Variants in SIL1 observed in about 807,000 individuals in gnomAD.
The protein encoded by SIL1 is SIL1 nucleotide exchange factor, also known as nucleotide exchange factor SIL1.
In SIL1, 40 loss-of-function variants were observed where a neutral mutation model predicts 49.1. The ratio of observed to expected loss-of-function variants is 0.81; its 90% CI spans 0.63 to 1.06. The LOEUF (loss-of-function observed/expected upper bound fraction) is 1.06. Among genes scored for constraint, SIL1 ranks in the 50% least tolerant of loss-of-function variants. The pLI is 0.00. For synonymous variants in SIL1, 253 were observed against 250.8 expected, an observed-to-expected ratio of 1.01 and a Z score of -0.08; for missense variants, 500 against 572.6, an observed-to-expected ratio of 0.87 and a Z score of 1.29.
At chr5:139,138,227 C>T (rs374413352) in intron 1 of SIL1, among the ~76,000 whole-genome samples, 5 of 152,274 alleles carry the variant, frequency 3.3e-5, no homozygotes, top group South Asian at 2.1e-4. Context: ...CTTGACACCT[C>T]GCCCCTCCAT....
chr5:139,040,443 T>A (rs1275264323), intron 5 of SIL1, among the ~76,000 whole-genome samples: 1 of 151,560 alleles, frequency 6.6e-6, no homozygotes, highest in Non-Finnish European at 1.5e-5. Context: ...ATTTGGGTGC[T>A]GATATTGGGA....
At chr5:139,008,188 G>A (rs1405947773) in intron 7 of SIL1, among the ~76,000 whole-genome samples, 1 of 151,320 alleles carries the variant, frequency 6.6e-6, no homozygotes. Context: ...GTTTAGTCTT[G>A]GGAGAGTGTA....
intron 7 of SIL1, among the ~76,000 whole-genome samples, chr5:138,981,591 T>C (rs1767523412): frequency 6.6e-6 from 1 of 152,066 alleles, no homozygotes; most frequent in Non-Finnish European, 1.5e-5. Context: ...ACCAGGATAT[T>C]CCCCCCTGGG....
chr5:139,105,626 T>C (rs921799539), intron 3 of SIL1, among the ~76,000 whole-genome samples: 2 of 152,184 alleles, frequency 1.3e-5, no homozygotes, highest in African/African-American at 4.8e-5. Context: ...CTGTGCATAA[T>C]GCATGCAGGC....
At chr5:139,055,939 C>G (rs1311259972) in intron 3 of SIL1, among the ~76,000 whole-genome samples, 1 of 152,092 alleles carries the variant, frequency 6.6e-6, no homozygotes, top group East Asian at 1.9e-4. Context: ...TCCCGAAGTG[C>G]CGGGATTGCA....
At chr5:138,998,497 T>C (rs750241252) in intron 7 of SIL1, among the ~76,000 whole-genome samples, 1 of 151,656 alleles carries the variant, frequency 6.6e-6, no homozygotes, top group African/African-American at 2.4e-5. Context: ...AGAAAAGAGG[T>C]TTTATTTTGG....
chr5:139,003,575 G>T (rs1280217630), intron 7 of SIL1, among the ~76,000 whole-genome samples: 1 of 152,212 alleles, frequency 6.6e-6, no homozygotes, highest in Non-Finnish European at 1.5e-5. Context: ...TTTACTAGGA[G>T]TGGGTCAACA....
At chr5:139,096,086 C>T (rs774993401) in intron 3 of SIL1, among the ~76,000 whole-genome samples, 1 of 152,170 alleles carries the variant, frequency 6.6e-6, no homozygotes, top group African/African-American at 2.4e-5. Context: ...CGCCCACCCC[C>T]CCAACAGTGG....
chr5:139,018,561 G>A (rs1768449062), intron 7 of SIL1, among the ~76,000 whole-genome samples: 1 of 132,264 alleles, frequency 7.6e-6, no homozygotes, highest in African/African-American at 3.0e-5. Context: ...CTGTACTCCA[G>A]CCTGAGTGAA....
At chr5:139,045,641 C>G (rs1005247335) in intron 4 of SIL1, among the ~76,000 whole-genome samples, 1 of 152,206 alleles carries the variant, frequency 6.6e-6, no homozygotes, top group South Asian at 2.1e-4. Context: ...ATCTGTATCT[C>G]AAATGTTTAA....
In SIL1 at chr5:139,053,461, G is replaced by A. The variant is rs142483174; in HGVS notation, c.245-2415C>T. 3.9e-4 allele frequency among the ~76,000 whole-genome samples: 59 copies of A among 152,272 alleles called. No homozygotes were observed. In the East Asian group the frequency reaches 4.4e-3, roughly 11 times the overall value. On this transcript the variant is annotated intron_variant, in intron 3 of 9. Coordinates refer to ENST00000394817, the MANE Select transcript of SIL1 (RefSeq NM_022464.5). Reference sequence around the variant, plus strand: ...TCCCAATCAAACTGTTCTTTAAAGCGAATGATTTTTCTTTTCCAAAATACC... The same window carrying A: ...TCCCAATCAAACTGTTCTTTAAAGCAAATGATTTTTCTTTTCCAAAATACC...
intron 3 of SIL1, 53 bp from the exon 4 acceptor site, chr5:139,051,099 G>C: frequency 6.4e-7 from 1 of 1,553,350 alleles, no homozygotes; most frequent in Non-Finnish European, 8.9e-7. Context: ...TTGGAAGGCT[G>C]TCGGGATGGC....
At chr5:139,013,420 C>G (rs1015297199) in intron 7 of SIL1, 1 of 152,140 alleles carries the variant, frequency 6.6e-6, no homozygotes, top group African/African-American at 2.4e-5. Context: ...TAAGCTTTGT[C>G]TCTTGTCCCC....
chr5:139,107,642 C>T (rs1276613200), intron 3 of SIL1, among the ~76,000 whole-genome samples: 1 of 152,166 alleles, frequency 6.6e-6, no homozygotes, highest in Non-Finnish European at 1.5e-5. Context: ...CAATCTGTGA[C>T]AGTTCCTCAG....
At chr5:139,174,937 C>CAAAAAAAAAAAAAAAAAAAAAAAA (rs56959325) in intron 1 of SIL1, among the ~76,000 whole-genome samples, 15 of 59,822 alleles carry the variant, frequency 2.5e-4, no homozygotes, top group Non-Finnish European at 3.2e-4. Flanking sequence ...GACTGTGTCT[C>CAAAAAAAAAAAAAAAAAAAAAAAA]AAAAAAAAAA....
At chr5:139,109,063 C>A (rs912691680) in intron 3 of SIL1, among the ~76,000 whole-genome samples, 18 of 152,184 alleles carry the variant, frequency 1.2e-4, no homozygotes, top group Admixed American at 6.5e-4. Context: ...AAGTACATCC[C>A]TTAACTTCAA....
rs1766636176 is a variant in SIL1, at chr5:138,946,767, A to G, written c.*350T>C. 2 of 323,262 alleles carry G rather than the reference A, an allele frequency of 6.2e-6. No homozygotes were observed. Among genetic ancestry groups the G allele is most frequent in the Non-Finnish European group, 1.2e-5 (2 of 169,096 alleles). The allele number at this position is 323,262 out of a possible 1,614,324, so 20.0% of individuals were successfully genotyped here. On this transcript the variant is annotated 3_prime_UTR_variant, in exon 10 of 10. Transcript: ENST00000394817. The stretch of plus-strand genomic sequence containing the variant: ...TAATGGCACTCCTGACAGATGAGGA[A>G]ACAAGCTCAGAGCAATTAAGCGACT...
Position 138,996,513 on chromosome 5 carries a change from A to ATTT in SIL1, c.767+24655_767+24657dup, listed in dbSNP as rs140943492. Among the ~76,000 whole-genome samples, 359 of 89,898 alleles carry ATTT rather than the reference A, an allele frequency of 4.0e-3. 5 individuals carry two copies. The highest frequency in any genetic ancestry group is 0.01 in the Middle Eastern group (1 of 96). 59.0% of individuals were successfully genotyped at this position (89,898 alleles called of 152,430 possible). A position where few individuals can be genotyped will look rare whatever the true frequency, so the allele number is the denominator to read the frequency against. The stretch of plus-strand genomic sequence containing the variant: ...GTTGGTTGTTTTCTTTGCTGTGCAG[A>ATTT]TTTTTTTTTTTTTTTTTTTTTTTTT... On this transcript the variant is annotated intron_variant, in intron 7 of 9. Transcript: ENST00000394817.
chr5:139,040,625 A>T lies in SIL1; in HGVS notation c.453+1995T>A, dbSNP rs561120701. On this transcript the variant is annotated intron_variant, in intron 5 of 9. Coordinates refer to ENST00000394817, the MANE Select transcript of SIL1 (RefSeq NM_022464.5). ...GTGATTCTCCCACCTCAGCCTCTGG[A>T]CTATCTGGGACTACAGACACATACC... Among the ~76,000 whole-genome samples the T allele has an allele frequency of 5.3e-5, 8 of 150,112 alleles. No homozygotes were observed. In the South Asian group the frequency reaches 1.7e-3, roughly 32 times the overall value.
Sources: allele counts gnomAD v4.1 joint callset (sites outside exome capture counted in the v4.1 genomes callset), GRCh38; gene constraint gnomAD v4.1.1; transcripts MANE v1.5; gene names NCBI Gene and HGNC (gene_info 2026-07-23, HGNC 2026-07-21).